The following PAM variants were observed in gnomAD, a reference collection of about 807,000 sequenced individuals.
The protein encoded by PAM is peptidyl-glycine alpha-amidating monooxygenase.
A neutral mutation model predicts 122.1 loss-of-function variants in PAM; 72 were observed. That is an observed-to-expected ratio of 0.59 (90% CI 0.49 to 0.72). PAM has a LOEUF of 0.72. PAM is among the 30% of genes least tolerant of loss of function. The pLI is 0.00. For synonymous variants in PAM, 389 were observed against 404.4 expected (o/e 0.96, Z 0.46); for missense variants, 1,106 against 1,183.7 (o/e 0.93, Z 0.96).
intron 1 of PAM, among the ~76,000 whole-genome samples, chr5:102,764,863 A>G (rs1196972252): frequency 1.3e-5 from 2 of 152,214 alleles, no homozygotes; most frequent in Non-Finnish European, 2.9e-5. Flanking sequence ...CCCCAATCTT[A>G]CTTCAACCCC....
At chr5:102,861,186 TGCA>T (rs1468257257) in intron 1 of PAM, among the ~76,000 whole-genome samples, 23 of 152,188 alleles carry the variant, frequency 1.5e-4, no homozygotes, top group African/African-American at 4.8e-4. Flanking sequence ...TTCAGATGAC[TGCA>T]GTTCTGGTTC....
intron 15 of PAM, chr5:102,987,423 G>A: frequency 2.6e-6 from 1 of 382,572 alleles, no homozygotes; most frequent in South Asian, 2.1e-5. Flanking sequence ...TGGTTAATGG[G>A]TACCAACATG....
intron 14 of PAM, among the ~76,000 whole-genome samples, chr5:102,973,680 A>G (rs1582396554): frequency 6.6e-6 from 1 of 152,298 alleles, no homozygotes; most frequent in Middle Eastern, 3.4e-3. Context: ...CAAGAAATGT[A>G]TATTTCATTT....
downstream of PAM, chr5:103,030,153 G>T (rs1288121346): frequency 6.6e-6 from 1 of 152,158 alleles, no homozygotes; most frequent in Non-Finnish European, 1.5e-5. Context: ...AGGATTGTGG[G>T]AGGCCAAGCA....
rs565795931 is a variant in PAM, at chr5:102,764,069, G to T, written c.-374+8721G>T. 6.6e-5 allele frequency among the ~76,000 whole-genome samples: 10 copies of T among 152,094 alleles called. No individual in the cohort carries two copies. The East Asian group carries it at 1.7e-3, about 26-fold the overall frequency. ...TGAAGATAGATCGAAAGTGTTTTGG[G>T]GGGAATACCATTAATTGAACTCGGG... On this transcript the variant is annotated intron_variant, in intron 1 of 25. Transcript: ENST00000438793.
chr5:102,904,245 T>C (rs905543190), intron 4 of PAM, among the ~76,000 whole-genome samples: 1 of 151,576 alleles, frequency 6.6e-6, no homozygotes, highest in African/African-American at 2.4e-5. Flanking sequence ...AAACCCATAA[T>C]ACTTTGTTCG....
intron 1 of PAM, among the ~76,000 whole-genome samples, chr5:102,848,621 G>A (rs1435413066): frequency 1.3e-5 from 2 of 152,118 alleles, no homozygotes; most frequent in African/African-American, 4.8e-5. Flanking sequence ...CTGGAGAAAG[G>A]GAGAATTTTG....
At position 102,766,926 on chromosome 5, in the gene PAM, A is replaced by ATTTTTTTTTTTTTTTTT; in HGVS notation, c.-374+11593_-374+11609dup. On this transcript the variant is annotated intron_variant, in intron 1 of 25. Transcript: ENST00000438793. ...ATTTATTTTATTGCTTCAGTTGTGGATTTTTTTTTTTTTTTTTTTTTTTTT... is the reference window on the plus strand; with the variant it reads ...ATTTATTTTATTGCTTCAGTTGTGGATTTTTTTTTTTTTTTTTTTTTTTTTTTTTTTTTTTTTTTTTT... Among the ~76,000 whole-genome samples, 143 of 25,858 alleles carry ATTTTTTTTTTTTTTTTT rather than the reference A, an allele frequency of 5.5e-3. 54 individuals carry two copies. The highest frequency in any genetic ancestry group is 0.021 in the East Asian group (15 of 704). The allele number at this position is 25,858 out of a possible 152,430, so 17.0% of individuals were successfully genotyped here.
intron 16 of PAM, among the ~76,000 whole-genome samples, chr5:102,993,644 T>C (rs1436184861): frequency 6.6e-6 from 1 of 152,158 alleles, no homozygotes; most frequent in Non-Finnish European, 1.5e-5. Context: ...TTAGTTTGTA[T>C]AAGTGAAAAC....
At chr5:102,920,516 T>C (rs1441288666) in intron 5 of PAM, among the ~76,000 whole-genome samples, 14 of 152,150 alleles carry the variant, frequency 9.2e-5, no homozygotes, top group Admixed American at 9.2e-4. Context: ...CTAATTACTA[T>C]ATTAATGTCT....
At chr5:102,780,096 C>G (rs902118917) in intron 1 of PAM, among the ~76,000 whole-genome samples, 1 of 151,718 alleles carries the variant, frequency 6.6e-6, no homozygotes, top group Admixed American at 6.6e-5. Flanking sequence ...GCCCCCTGCT[C>G]CATCCAACCC....
chr5:102,915,293 T>A (rs905484107), intron 5 of PAM, among the ~76,000 whole-genome samples: 1 of 152,130 alleles, frequency 6.6e-6, no homozygotes, highest in Non-Finnish European at 1.5e-5. Context: ...TGCTCTCTTG[T>A]CGTTTTTGTA....
intron 1 of PAM, among the ~76,000 whole-genome samples, chr5:102,791,843 G>A (rs1762143024): frequency 6.6e-6 from 1 of 152,000 alleles, no homozygotes; most frequent in African/African-American, 2.4e-5. Context: ...CTGTTTCTAG[G>A]GTTTTATCTA....
chr5:102,782,696 T>G (rs1759318275), intron 1 of PAM, among the ~76,000 whole-genome samples: 1 of 150,638 alleles, frequency 6.6e-6, no homozygotes, highest in African/African-American at 2.5e-5. Context: ...TCCCTTCCTT[T>G]CTCCATTTCT....
chr5:102,869,895 C>A, intron 3 of PAM, among the ~76,000 whole-genome samples: 1 of 146,774 alleles, frequency 6.8e-6, no homozygotes, highest in Admixed American at 6.8e-5. Flanking sequence ...AGGGAAGAAA[C>A]AAAAGGTAGA....
chr5:102,864,182 A>AT lies in PAM; in HGVS notation c.-373-1640dup, dbSNP rs200858151. 5.3e-3 allele frequency among the ~76,000 whole-genome samples: 727 copies of AT among 137,578 alleles called. 5 individuals are homozygous for AT. The highest frequency in any genetic ancestry group is 0.017 in the African/African-American group (583 of 34,128). The allele number at this position is 137,578 out of a possible 152,430, so 90.3% of individuals were successfully genotyped here. On this transcript the variant is annotated intron_variant, in intron 1 of 25. Coordinates refer to ENST00000438793, the MANE Select transcript of PAM (RefSeq NM_001177306.2). ...CTTCTTCATATATATATATATATAT[A>AT]TATTTTTTTTTTTTTTAAAGAACTT...
intron 3 of PAM, among the ~76,000 whole-genome samples, chr5:102,894,005 C>A (rs551917353): frequency 6.6e-6 from 1 of 151,736 alleles, no homozygotes; most frequent in South Asian, 2.1e-4. Flanking sequence ...TCAATCTGCC[C>A]TAGTCCCTGT....
Position 102,932,780 on chromosome 5 carries a change from C to T in PAM, c.526+6112C>T, listed in dbSNP as rs1581846858. ...AGATTGGCAATGAATGTTAGTTCTC[C>T]TTATCCCCTTCTCCCTTTTCTTCAT... On this transcript the variant is annotated intron_variant, in intron 7 of 25. Transcript: ENST00000438793. 3.3e-5 allele frequency among the ~76,000 whole-genome samples: 5 copies of T among 152,096 alleles called. No homozygotes were observed. In the South Asian group the frequency reaches 1.0e-3, roughly 32 times the overall value.
Position 102,926,605 on chromosome 5 carries a change from G to A in PAM, c.463G>A (p.Gly155Arg), listed in dbSNP as rs749405857. 7 of 1,589,894 alleles carry A rather than the reference G, an allele frequency of 4.4e-6. No homozygotes were observed. The South Asian group carries it at 5.5e-5, about 13-fold the overall frequency. Residue 155 changes from glycine to arginine, a missense_variant, in exon 7 of 26, where the codon GGA becomes AGA. By Grantham distance (125) the Gly-to-Arg change is moderately radical (BLOSUM62 -2). Around this residue, in one of 3 missense-constraint regions of PAM, gnomAD observed 670 missense variants for 690.3 expected, o/e 0.97. Transcript: ENST00000438793. ...TTTAGGTGTTGGATTCAGAGTTGGA[G>A]GAGAGACTGGAAGTAAATACTTTGT... ...LPKGVGFRVGGETGSKYFVLQ... is the reference protein window; with the variant it reads ...LPKGVGFRVGRETGSKYFVLQ...
Sources: gnomAD v4.1 joint callset for allele counts (sites outside exome capture counted in the v4.1 genomes callset) on GRCh38, gnomAD v4.1.1 for gene constraint, gnomAD v4.1.1 regional missense constraint, MANE v1.5 for transcripts, NCBI Gene and HGNC (gene_info 2026-07-23, HGNC 2026-07-21) for gene names.